The following PBX1 variants were observed in gnomAD, a reference collection of about 807,000 sequenced individuals.
PBX1 encodes the protein PBX homeobox 1.
Under a neutral mutation model 53.4 loss-of-function variants are expected in PBX1, and 6 were observed. The observed-to-expected ratio is 0.11, with a 90% CI of 0.06 to 0.22. PBX1 has a LOEUF of 0.22. Among genes scored for constraint, PBX1 ranks in the 10% least tolerant of loss-of-function variants. PBX1 has a pLI of 1.00. For missense variants in PBX1, 251 were observed against 551.4 expected (o/e 0.46, Z 5.46); for synonymous variants, 204 against 212.3 (o/e 0.96, Z 0.34).
At chr1:164,591,129 A>G (rs918158528) in intron 2 of PBX1, among the ~76,000 whole-genome samples, 2 of 151,190 alleles carry the variant, frequency 1.3e-5, no homozygotes, top group African/African-American at 4.9e-5. Context: ...CTCCTGCCTC[A>G]GCCTCCCAAG....
At chr1:164,746,912 T>C (rs947984774) in intron 2 of PBX1, among the ~76,000 whole-genome samples, 1 of 152,206 alleles carries the variant, frequency 6.6e-6, no homozygotes, top group African/African-American at 2.4e-5. Flanking sequence ...GTAGGGCCAT[T>C]TGGGCCTCTT....
intron 2 of PBX1, among the ~76,000 whole-genome samples, chr1:164,738,063 A>G (rs1187620359): frequency 6.6e-6 from 1 of 152,150 alleles, no homozygotes; most frequent in Non-Finnish European, 1.5e-5. Context: ...TTTGAGATGT[A>G]TCTACATTGT....
chr1:164,795,036 G>A (rs551849076), intron 3 of PBX1, among the ~76,000 whole-genome samples: 1 of 152,280 alleles, frequency 6.6e-6, no homozygotes, highest in South Asian at 2.1e-4. Flanking sequence ...GACAGCCATA[G>A]TACATTTTAA....
At position 164,846,637 on chromosome 1, in the gene PBX1, A is replaced by G. The variant is rs1309423234; in HGVS notation, c.1254A>G (p.Thr418=). Residue 418 remains threonine (T), a synonymous_variant, in exon 9 of 9, where the codon ACA becomes ACG. Transcript: ENST00000420696. ...CCCCTTCATCAGTGACCTCCCCTAC[A>G]GAAGGCCCTGGCAGTGTTCACTCTG... ...ATTPSSVTSP[T]EGPGSVHSDT... The G allele has an allele frequency of 2.5e-6, 4 of 1,613,966 alleles. No homozygotes were observed. The African/African-American group carries it at 5.3e-5, about 22-fold the overall frequency.
intron 2 of PBX1, among the ~76,000 whole-genome samples, chr1:164,617,955 C>CCCCA (rs1441720409): frequency 5.9e-5 from 9 of 152,080 alleles, no homozygotes; most frequent in Admixed American, 5.9e-4. Flanking sequence ...ATAACACATA[C>CCCCA]CCCAAATCAG....
chr1:164,601,229 C>T (rs1457064648), intron 2 of PBX1, among the ~76,000 whole-genome samples: 1 of 100,304 alleles, frequency 1.0e-5, no homozygotes, highest in East Asian at 3.2e-4. Context: ...GAGCAAGATT[C>T]TGTCTCAAAA....
rs768153763 is a variant in PBX1, at chr1:164,791,742, T to TA, written c.266-746dup. 1.6e-4 allele frequency among the ~76,000 whole-genome samples: 24 copies of TA among 152,294 alleles called. No homozygotes were observed. In the Middle Eastern group the frequency reaches 0.014, roughly 86 times the overall value. On this transcript the variant is annotated intron_variant, in intron 2 of 8. Transcript: ENST00000420696. ...AAATTAGGTAGTATGGGGATGAAAG[T>TA]AAAAAATATATTTTGTTATGATTAC...
At chr1:164,677,409 A>G (rs1661498536) in intron 2 of PBX1, among the ~76,000 whole-genome samples, 1 of 151,988 alleles carries the variant, frequency 6.6e-6, no homozygotes, top group South Asian at 2.1e-4. Flanking sequence ...TTGACATTTT[A>G]CAAAACGCCA....
intron 2 of PBX1, among the ~76,000 whole-genome samples, chr1:164,858,911 T>A (rs1184988275): frequency 6.6e-6 from 1 of 152,206 alleles, no homozygotes; most frequent in Non-Finnish European, 1.5e-5. Context: ...TAGTGCTTTT[T>A]TTCTAGGCTT....
At chr1:164,769,998 C>T (rs1388115909) in intron 2 of PBX1, 1 of 152,196 alleles carries the variant, frequency 6.6e-6, no homozygotes, top group Admixed American at 6.5e-5. Flanking sequence ...CATTGAAGAA[C>T]TGCACTTGCG....
At chr1:164,767,023 GTT>G (rs34611646) in intron 2 of PBX1, among the ~76,000 whole-genome samples, 2 of 150,776 alleles carry the variant, frequency 1.3e-5, no homozygotes, top group Non-Finnish European at 3.0e-5. Context: ...CTTTTATCCT[GTT>G]TTTTTTTTCT....
intron 2 of PBX1, among the ~76,000 whole-genome samples, chr1:164,717,205 T>A (rs1664153679): frequency 6.6e-6 from 1 of 152,182 alleles, no homozygotes; most frequent in Admixed American, 6.6e-5. Flanking sequence ...ACTAATATGT[T>A]CATAGCTGCC....
rs900457135 is a variant in PBX1, at chr1:164,593,829, T to A, written c.265+30518T>A. Among the ~76,000 whole-genome samples, 9 of 152,324 alleles carry A rather than the reference T, an allele frequency of 5.9e-5. No homozygotes were observed. The South Asian group carries it at 1.9e-3, about 32-fold the overall frequency. On this transcript the variant is annotated intron_variant, in intron 2 of 8. Coordinates refer to ENST00000420696, the MANE Select transcript of PBX1 (RefSeq NM_002585.4). Reference sequence around the variant, plus strand: ...ATTATCTCCGTTTCTTCCGTGGCTCTGCATGACTGTTCTGAGAATCTCTTG... The same window carrying A: ...ATTATCTCCGTTTCTTCCGTGGCTCAGCATGACTGTTCTGAGAATCTCTTG...
intron 2 of PBX1, among the ~76,000 whole-genome samples, chr1:164,871,099 G>C (rs772287229): frequency 1.1e-4 from 17 of 152,210 alleles, no homozygotes; most frequent in South Asian, 2.1e-4. Flanking sequence ...GGATCAGACA[G>C]GTTCCCCATC....
At chr1:164,881,216 T>TA (rs1672638914) in intron 2 of PBX1, among the ~76,000 whole-genome samples, 1 of 151,570 alleles carries the variant, frequency 6.6e-6, no homozygotes, top group African/African-American at 2.4e-5. Context: ...TGCTAAAATG[T>TA]AAACCCCCCA....
chr1:164,699,095 G>A (rs1284795938), intron 2 of PBX1, among the ~76,000 whole-genome samples: 1 of 152,184 alleles, frequency 6.6e-6, no homozygotes, highest in Admixed American at 6.5e-5. Flanking sequence ...GAATAGGCAT[G>A]CGTGCTCTCA....
chr1:164,575,103 C>A (rs775716915), intron 2 of PBX1, among the ~76,000 whole-genome samples: 1 of 152,168 alleles, frequency 6.6e-6, no homozygotes, highest in African/African-American at 2.4e-5. Context: ...TATGTATTTG[C>A]AGCTATTGGA....
At chr1:164,626,991 G>A (rs1658090905) in intron 2 of PBX1, among the ~76,000 whole-genome samples, 1 of 152,198 alleles carries the variant, frequency 6.6e-6, no homozygotes, top group Admixed American at 6.5e-5. Flanking sequence ...TTCAGTGATA[G>A]AGAATCTTAT....
At chr1:164,706,200 C>T (rs74117990) in intron 2 of PBX1, among the ~76,000 whole-genome samples, 18 of 152,262 alleles carry the variant, frequency 1.2e-4, no homozygotes, top group African/African-American at 3.6e-4. Context: ...TGTCTTTTCA[C>T]CTCTTCTTGC....
Sources: gnomAD v4.1 joint callset for allele counts (sites outside exome capture counted in the v4.1 genomes callset) on GRCh38, gnomAD v4.1.1 for gene constraint, MANE v1.5 for transcripts, NCBI Gene and HGNC (gene_info 2026-07-23, HGNC 2026-07-21) for gene names.